The following DAB2IP variants were observed in gnomAD, a reference collection of about 807,000 sequenced individuals.
DAB2IP encodes the protein DAB2 interacting protein, also known as disabled homolog 2-interacting protein.
In DAB2IP, 28 loss-of-function variants were observed where a neutral mutation model predicts 107.2. The ratio of observed to expected loss-of-function variants is 0.26; its 90% CI spans 0.19 to 0.36. DAB2IP has a LOEUF of 0.36. DAB2IP is among the 10% of genes least tolerant of loss of function. The pLI is 1.00. For synonymous variants in DAB2IP, 755 were observed against 706.4 expected, an observed-to-expected ratio of 1.07 and a Z score of -1.09; for missense variants, 1,400 against 1,644.7, an observed-to-expected ratio of 0.85 and a Z score of 2.57.
At chr9:121,758,547 C>T (rs1046257552) in intron 4 of DAB2IP, among the ~76,000 whole-genome samples, 2 of 152,164 alleles carry the variant, frequency 1.3e-5, no homozygotes, top group Admixed American at 6.5e-5. Flanking sequence ...GCCCTCTGAC[C>T]TGGGCAAGGT....
chr9:121,780,366 T>A (rs1383887310), intron 14 of DAB2IP, among the ~76,000 whole-genome samples: 1 of 152,104 alleles, frequency 6.6e-6, no homozygotes, highest in Non-Finnish European at 1.5e-5. Context: ...TCCCAGTTAG[T>A]GCTCCCTGAA....
chr9:121,610,759 C>A (rs988859938), intron 1 of DAB2IP, among the ~76,000 whole-genome samples: 2 of 152,120 alleles, frequency 1.3e-5, no homozygotes, highest in African/African-American at 4.8e-5. Flanking sequence ...CAGAGGAGAG[C>A]AGGTACAGCG....
chr9:121,756,921 G>A (rs1564204206), intron 3 of DAB2IP, 92 bp from the exon 4 acceptor site: 1 of 1,564,198 alleles, frequency 6.4e-7, no homozygotes, highest in East Asian at 2.2e-5. Flanking sequence ...CTGCCTGCTG[G>A]AAGGGGCACG....
chr9:121,762,170 C>T (rs1226031603), intron 6 of DAB2IP, among the ~76,000 whole-genome samples: 1 of 152,194 alleles, frequency 6.6e-6, no homozygotes, highest in African/African-American at 2.4e-5. Context: ...GTAACGGAGT[C>T]TGGGAAGCAA....
intron 1 of DAB2IP, among the ~76,000 whole-genome samples, chr9:121,659,183 G>C (rs559234485): frequency 1.3e-5 from 2 of 152,326 alleles, no homozygotes; most frequent in East Asian, 3.9e-4. Context: ...AGGGTGCTGG[G>C]CAGTCGGAGA....
rs1419292181 is a variant in DAB2IP, at chr9:121,599,281, G to A, written c.40+32053G>A. 1.3e-5 allele frequency among the ~76,000 whole-genome samples: 2 copies of A among 152,202 alleles called. No homozygotes were observed. The highest frequency in any genetic ancestry group is 2.9e-5 in the Non-Finnish European group (2 of 68,014). On this transcript the variant is annotated intron_variant, in intron 1 of 16. Coordinates refer to the DAB2IP transcript ENST00000259371. This position sits in a 1 kb window ranked among gnomAD's most constrained non-coding sequence, Gnocchi z 6.9. ...GAGGCCTGGGGACTCCGGGAGGGGA[G>A]GGGGCGTGTGGTCCCGCCGGCATCT...
chr9:121,610,132 G>A (rs926010489), intron 1 of DAB2IP, among the ~76,000 whole-genome samples: 2 of 152,164 alleles, frequency 1.3e-5, no homozygotes, highest in African/African-American at 2.4e-5. Context: ...CATGAACTGT[G>A]GGCTTGGGGA....
At chr9:121,749,720 C>A (rs1832971672) in intron 3 of DAB2IP, among the ~76,000 whole-genome samples, 1 of 152,126 alleles carries the variant, frequency 6.6e-6, no homozygotes, top group African/African-American at 2.4e-5. Context: ...AAATGAAGGG[C>A]TTTTTAAAGA....
rs544131858 is a variant in DAB2IP at position 121,740,434 on chromosome 9, G to T, written c.363-16579G>T. On this transcript the variant is annotated intron_variant, in intron 3 of 15. Coordinates refer to ENST00000408936, the Ensembl canonical transcript of DAB2IP. The stretch of plus-strand genomic sequence containing the variant: ...CTCTGGGTCCACGGCCCCTAAATAA[G>T]AGTATCCTGGAGCCTGGCTTACCTC... Among the ~76,000 whole-genome samples, 12 of 152,302 alleles carry T rather than the reference G, an allele frequency of 7.9e-5. 1 individual carries two copies. In the South Asian group the frequency reaches 2.5e-3, roughly 32 times the overall value.
At chr9:121,763,620 T>C (rs1834055645) in exon 7 of DAB2IP, 1 of 1,613,692 alleles carries the variant, frequency 6.2e-7, no homozygotes, top group Non-Finnish European at 8.5e-7. Context: ...CTCAAGCTAG[T>C]GGGCCAGAAG....
chr9:121,594,036 T>C (rs1374853761), intron 1 of DAB2IP, among the ~76,000 whole-genome samples: 1 of 151,976 alleles, frequency 6.6e-6, no homozygotes, highest in Non-Finnish European at 1.5e-5. Context: ...CTCTTGACCA[T>C]AGTCATATAA....
intron 1 of DAB2IP, among the ~76,000 whole-genome samples, chr9:121,629,151 G>A (rs1021535157): frequency 6.6e-6 from 1 of 152,166 alleles, no homozygotes; most frequent in African/African-American, 2.4e-5. Flanking sequence ...GAAATGATGC[G>A]ATAGATTCCC....
At chr9:121,622,285 G>A (rs1405201250) in intron 1 of DAB2IP, among the ~76,000 whole-genome samples, 2 of 152,174 alleles carry the variant, frequency 1.3e-5, no homozygotes, top group Non-Finnish European at 2.9e-5. Flanking sequence ...ACCGCACCCG[G>A]CCCCGTTTGT....
Position 121,782,667 on chromosome 9 carries a change from G to A in DAB2IP, c.*169G>A. On this transcript the variant is annotated 3_prime_UTR_variant, in exon 16 of 16. Transcript: ENST00000408936. This position sits in a 1 kb window ranked among gnomAD's most constrained non-coding sequence, Gnocchi z 6.1. ...GAGGCGGCCGCAGAGGGAGCCACCA[G>A]AGACTGAAGCAGCGTGAGGCGAGGT... is the stretch of plus-strand genomic sequence containing the variant. 1 of 1,446,758 alleles carries A rather than the reference G, an allele frequency of 6.9e-7. No individual in the cohort carries two copies. Among genetic ancestry groups the A allele is most frequent in the Non-Finnish European group, 9.0e-7 (1 of 1,105,176 alleles). 89.6% of individuals were successfully genotyped at this position (1,446,758 alleles called of 1,614,324 possible).
chr9:121,737,903 G>A (rs900125100), intron 3 of DAB2IP, among the ~76,000 whole-genome samples: 3 of 152,212 alleles, frequency 2.0e-5, no homozygotes, highest in African/African-American at 4.8e-5. Flanking sequence ...GGTGTGCTGT[G>A]AAAGTGCAAG....
At chr9:121,685,255 G>A (rs188720135) in intron 2 of DAB2IP, among the ~76,000 whole-genome samples, 1 of 152,368 alleles carries the variant, frequency 6.6e-6, no homozygotes, top group Admixed American at 6.5e-5. Context: ...GCCTTCCGCG[G>A]GGGGCATCCC....
intron 3 of DAB2IP, among the ~76,000 whole-genome samples, chr9:121,707,642 G>A (rs1830126378): frequency 6.6e-6 from 1 of 152,208 alleles, no homozygotes; most frequent in African/African-American, 2.4e-5. Context: ...TTGATGCGAC[G>A]TTGTCATGGG....
chr9:121,767,413 C>T (rs1834364152), intron 9 of DAB2IP, among the ~76,000 whole-genome samples: 1 of 152,200 alleles, frequency 6.6e-6, no homozygotes, highest in South Asian at 2.1e-4. Flanking sequence ...ACACACGAGC[C>T]TCTTAGGAGG....
intron 3 of DAB2IP, among the ~76,000 whole-genome samples, chr9:121,745,900 G>C (rs1832689958): frequency 6.6e-6 from 1 of 152,176 alleles, no homozygotes; most frequent in African/African-American, 2.4e-5. Flanking sequence ...GTGACCACTG[G>C]GGCTGGAGTC....
Sources: allele counts gnomAD v4.1 joint callset (sites outside exome capture counted in the v4.1 genomes callset), GRCh38; gene constraint gnomAD v4.1.1; non-coding constraint Gnocchi (gnomAD v3.1); transcripts MANE v1.5; gene names NCBI Gene and HGNC (gene_info 2026-07-23, HGNC 2026-07-21).